Variants in ATRNL1 observed in about 807,000 individuals in gnomAD.
The protein encoded by ATRNL1 is attractin like 1, also known as attractin-like protein 1.
ATRNL1 carries 95 observed loss-of-function variants against 182.7 expected under a neutral mutation model. The ratio of observed to expected loss-of-function variants is 0.52; its 90% CI spans 0.44 to 0.62. ATRNL1 has a LOEUF of 0.62. Among genes scored for constraint, ATRNL1 ranks in the 20% least tolerant of loss-of-function variants. The pLI is 0.00. For synonymous variants in ATRNL1, 576 were observed against 568.3 expected (o/e 1.01, Z -0.19); for missense variants, 1,471 against 1,679.5 (o/e 0.88, Z 2.17).
At chr10:115,226,577 A>T (rs1482996766) in intron 9 of ATRNL1, among the ~76,000 whole-genome samples, 1 of 151,846 alleles carries the variant, frequency 6.6e-6, no homozygotes, top group Admixed American at 6.6e-5. Context: ...AAAAAAAACT[A>T]TCCTAAAATT....
chr10:115,520,206 CAT>C (rs1260235386), intron 25 of ATRNL1, among the ~76,000 whole-genome samples: 3 of 152,268 alleles, frequency 2.0e-5, no homozygotes, highest in Admixed American at 6.5e-5. Flanking sequence ...GCTGGGCTGC[CAT>C]ACAGTAAAGA....
Position 115,443,185 on chromosome 10 carries a change from AT to A in ATRNL1, c.3322+16890del, listed in dbSNP as rs782223406. Among the ~76,000 whole-genome samples the A allele has an allele frequency of 2.0e-5, 3 of 151,838 alleles. No individual in the cohort carries two copies. In the South Asian group the frequency reaches 6.2e-4, roughly 32 times the overall value. ...TGATTATATGTGTTTAAATTTTTGC[AT>A]TTTTTTGGTGATTTGATATCATCAA... On this transcript the variant is annotated intron_variant, in intron 21 of 28. Coordinates refer to ENST00000355044, the MANE Select transcript of ATRNL1 (RefSeq NM_207303.4).
At chr10:115,440,398 G>C (rs1554965482) in intron 21 of ATRNL1, among the ~76,000 whole-genome samples, 1 of 151,452 alleles carries the variant, frequency 6.6e-6, no homozygotes, top group African/African-American at 2.4e-5. Context: ...CATGCACTAG[G>C]GTATAACAAT....
chr10:115,833,254 A>T lies in ATRNL1; in HGVS notation c.3904-14623A>T, dbSNP rs138107590. 7.4e-3 allele frequency among the ~76,000 whole-genome samples: 1,126 copies of T among 152,294 alleles called. 6 individuals carry two copies. Among genetic ancestry groups the T allele is most frequent in the Non-Finnish European group, 0.012 (789 of 68,024 alleles). ...AACCCTATCAGTAATTAGCACTATT[A>T]TTATTCTCTTTTATAGGTGAAGAAA... On this transcript the variant is annotated intron_variant, in intron 27 of 28. Transcript: ENST00000355044.
chr10:115,366,460 G>C (rs1340871852), intron 19 of ATRNL1, among the ~76,000 whole-genome samples: 1 of 152,092 alleles, frequency 6.6e-6, no homozygotes, highest in Non-Finnish European at 1.5e-5. Context: ...GATGGGTCTT[G>C]ACTCTTTATC....
chr10:115,295,226 G>T (rs1026318068), intron 15 of ATRNL1, among the ~76,000 whole-genome samples: 1 of 152,112 alleles, frequency 6.6e-6, no homozygotes, highest in Non-Finnish European at 1.5e-5. Flanking sequence ...TGTCCTGGGG[G>T]CTTGCTTGCC....
chr10:115,825,767 G>C (rs782290553), intron 27 of ATRNL1, among the ~76,000 whole-genome samples: 1 of 152,122 alleles, frequency 6.6e-6, no homozygotes, highest in African/African-American at 2.4e-5. Flanking sequence ...GCCAAATGCT[G>C]TCTTCTCCTG....
chr10:115,319,807 C>G (rs1854493691), intron 18 of ATRNL1, among the ~76,000 whole-genome samples: 1 of 151,870 alleles, frequency 6.6e-6, no homozygotes, highest in Non-Finnish European at 1.5e-5. Flanking sequence ...GATGGGTCTC[C>G]TGAATACAGC....
At chr10:115,424,141 A>G (rs1845772808) in intron 20 of ATRNL1, among the ~76,000 whole-genome samples, 1 of 152,192 alleles carries the variant, frequency 6.6e-6, no homozygotes, top group Non-Finnish European at 1.5e-5. Context: ...ATTTCTCAAA[A>G]GAAGACATAC....
chr10:115,304,586 C>T (rs868936601), intron 17 of ATRNL1, among the ~76,000 whole-genome samples: 5 of 152,138 alleles, frequency 3.3e-5, no homozygotes, highest in East Asian at 3.9e-4. Flanking sequence ...AAGTGTGGTG[C>T]GTACCAGGCA....
intron 8 of ATRNL1, among the ~76,000 whole-genome samples, chr10:115,202,086 C>A (rs1443397029): frequency 5.9e-5 from 9 of 151,970 alleles, no homozygotes; most frequent in Non-Finnish European, 5.9e-5. Context: ...GATTTTGTAT[C>A]CTGAGACTTT....
chr10:115,728,124 AAAAG>A (rs1565324544), intron 27 of ATRNL1, among the ~76,000 whole-genome samples: 2 of 69,910 alleles, frequency 2.9e-5, no homozygotes, highest in Non-Finnish European at 6.0e-5. Flanking sequence ...AAAAAAAAAA[AAAAG>A]AAAAAAAAAA....
intron 26 of ATRNL1, among the ~76,000 whole-genome samples, chr10:115,632,914 AC>A (rs1858610363): frequency 1.5e-5 from 2 of 135,624 alleles, no homozygotes; most frequent in South Asian, 4.9e-4. Context: ...ATTTTTTGAG[AC>A]AGAGTCTCAC....
chr10:115,787,648 G>T (rs1555080680), intron 27 of ATRNL1, among the ~76,000 whole-genome samples: 1 of 151,974 alleles, frequency 6.6e-6, no homozygotes, highest in Non-Finnish European at 1.5e-5. Flanking sequence ...TATGATCCAA[G>T]CTCCTATTTC....
intron 8 of ATRNL1, among the ~76,000 whole-genome samples, chr10:115,205,166 A>G (rs1211748106): frequency 6.6e-6 from 1 of 152,056 alleles, no homozygotes; most frequent in Non-Finnish European, 1.5e-5. Context: ...TACAGATAAC[A>G]GTGATTCACA....
At chr10:115,664,097 ATTGAGACTACCTTCCTGGCCCCTTTGC>A (rs1860863159) in intron 26 of ATRNL1, among the ~76,000 whole-genome samples, 1 of 152,028 alleles carries the variant, frequency 6.6e-6, no homozygotes, top group South Asian at 2.1e-4. Context: ...TCCTGTTCTC[ATTGAGACTACCTTCCTGGCCCCTTTGC>A]CAGTGTTCTC....
intron 20 of ATRNL1, among the ~76,000 whole-genome samples, chr10:115,398,100 T>A (rs1844375287): frequency 6.6e-6 from 1 of 151,912 alleles, no homozygotes; most frequent in African/African-American, 2.4e-5. Context: ...ATACTCTTTG[T>A]AGAGTTTTCA....
At chr10:115,506,856 T>C (rs1554981461) in intron 24 of ATRNL1, among the ~76,000 whole-genome samples, 7 of 152,046 alleles carry the variant, frequency 4.6e-5, no homozygotes. Flanking sequence ...TGCCTTGTGG[T>C]TACCAAAATG....
At chr10:115,561,686 T>TGG (rs1565167269) in intron 26 of ATRNL1, among the ~76,000 whole-genome samples, 7 of 109,528 alleles carry the variant, frequency 6.4e-5, no homozygotes, top group Non-Finnish European at 1.1e-4. Context: ...TGTGTGTGTG[T>TGG]GTGGGTGTGT....
Sources: allele counts gnomAD v4.1 joint callset (sites outside exome capture counted in the v4.1 genomes callset), GRCh38; gene constraint gnomAD v4.1.1; transcripts MANE v1.5; gene names NCBI Gene and HGNC (gene_info 2026-07-23, HGNC 2026-07-21).